The following PPP1R8 variants were observed in gnomAD, a reference collection of about 807,000 sequenced individuals.
The protein encoded by PPP1R8 is nuclear inhibitor of protein phosphatase 1.
PPP1R8 carries 4 observed loss-of-function variants against 31.3 expected under a neutral mutation model. That is an observed-to-expected ratio of 0.13 (90% CI 0.06 to 0.29). PPP1R8 has a LOEUF of 0.29. Among genes scored for constraint, PPP1R8 ranks in the 10% least tolerant of loss-of-function variants. The pLI is 1.00. For missense variants in PPP1R8, 254 were observed against 440.1 expected (o/e 0.58, Z 3.78); for synonymous variants, 170 against 169.7 (o/e 1.00, Z -0.01).
chr1:27,833,039 A>C (rs1333696085), intron 2 of PPP1R8, among the ~76,000 whole-genome samples: 2 of 152,182 alleles, frequency 1.3e-5, no homozygotes, highest in Non-Finnish European at 2.9e-5. Flanking sequence ...GAAGGGTTTT[A>C]ATAGGTCATG....
chr1:27,832,766 C>T lies in PPP1R8; in HGVS notation c.67C>T (p.Pro23Ser), dbSNP rs2089123498. The T allele has an allele frequency of 6.2e-7, 1 of 1,610,312 alleles. No homozygotes were observed. The highest frequency in any genetic ancestry group is 8.5e-7 in the Non-Finnish European group (1 of 1,177,980). Residue 23 changes from proline to serine, a missense_variant, in exon 2 of 7, where the codon CCC becomes TCC. Transcript: ENST00000311772. ...LFDCPTWAGK[P>S]PPGLHLDVVK... Reference sequence around the variant, plus strand: ...ATTTTTATTTTTCAGGGCAGGTAAGCCCCCTCCCGGTTTACATCTGGATGT... The same window carrying T: ...ATTTTTATTTTTCAGGGCAGGTAAGTCCCCTCCCGGTTTACATCTGGATGT...
chr1:27,847,796 C>T (rs951327170), intron 6 of PPP1R8, among the ~76,000 whole-genome samples: 4 of 152,152 alleles, frequency 2.6e-5, no homozygotes, highest in African/African-American at 9.7e-5. Context: ...ACATACCATG[C>T]TCCTCTCCCA....
At chr1:27,835,911 T>C (rs2089160110) in intron 2 of PPP1R8, among the ~76,000 whole-genome samples, 1 of 152,202 alleles carries the variant, frequency 6.6e-6, no homozygotes, top group African/African-American at 2.4e-5. Context: ...GATGAAATGA[T>C]ATAATGTAAA....
intron 3 of PPP1R8, 107 bp from the exon 4 acceptor site, chr1:27,840,907 G>C: frequency 8.8e-7 from 1 of 1,134,956 alleles, no homozygotes; most frequent in Non-Finnish European, 1.3e-6. Context: ...AAACTGATGT[G>C]CTGGGGGGAA....
intron 2 of PPP1R8, among the ~76,000 whole-genome samples, 174 bp downstream of exon 2, chr1:27,832,990 C>A (rs180727890): frequency 1.6e-4 from 24 of 152,106 alleles, no homozygotes; most frequent in Non-Finnish European, 3.5e-4. Context: ...AAGCTTATGT[C>A]TACCACAGAC....
At chr1:27,839,887 G>A (rs913605479) in intron 3 of PPP1R8, among the ~76,000 whole-genome samples, 8 of 151,996 alleles carry the variant, frequency 5.3e-5, no homozygotes, top group East Asian at 1.9e-4. Context: ...AATGAGACCC[G>A]CGTCTCTACA....
chr1:27,841,084 G>A lies in PPP1R8; in HGVS notation c.342G>A (p.Thr114=), dbSNP rs775555260. ...CTCAGCAAATTCCCATCGATTCCAC[G>A]GTCTCATTTGGCGCATCCACAAGGG... The part of the protein sequence containing the change: ...HKPQQIPIDS[T]VSFGASTRAY... The change falls in exon 4 of 7, where the codon ACG becomes ACA. Residue 114 remains threonine, a synonymous_variant. Transcript: ENST00000311772. The A allele has an allele frequency of 3.8e-5, 61 of 1,613,974 alleles. No homozygotes were observed. The highest frequency in any genetic ancestry group is 6.6e-5 in the South Asian group (6 of 91,078).
At chr1:27,842,473 C>T (rs1391040308) in intron 4 of PPP1R8, among the ~76,000 whole-genome samples, 10 of 152,096 alleles carry the variant, frequency 6.6e-5, no homozygotes, top group Admixed American at 6.6e-4. Context: ...TGCTGCTATA[C>T]TTCCATGGCT....
chr1:27,840,982 C>T (rs766165419), intron 3 of PPP1R8, 32 bp from the exon 4 acceptor site: 3 of 1,606,542 alleles, frequency 1.9e-6, no homozygotes, highest in Non-Finnish European at 1.7e-6. Flanking sequence ...TTTTTGTTTT[C>T]CCCCTTACGT....
chr1:27,847,415 G>A (rs775940232), intron 6 of PPP1R8, among the ~76,000 whole-genome samples: 27 of 152,004 alleles, frequency 1.8e-4, no homozygotes, highest in Admixed American at 5.9e-4. Context: ...GCTGAGGCAG[G>A]AGAATCGCTT....
At chr1:27,836,233 T>C (rs1027597585) in intron 2 of PPP1R8, among the ~76,000 whole-genome samples, 6 of 152,190 alleles carry the variant, frequency 3.9e-5, no homozygotes, top group African/African-American at 1.4e-4. Flanking sequence ...ATGAGAGTTA[T>C]TCCTCAAGTG....
intron 2 of PPP1R8, among the ~76,000 whole-genome samples, 190 bp downstream of exon 2, chr1:27,833,006 A>G (rs1220182188): frequency 1.3e-5 from 2 of 151,976 alleles, no homozygotes; most frequent in African/African-American, 2.4e-5. Context: ...CAGACACTCA[A>G]TTTTTTGTGA....
chr1:27,836,669 C>T (rs557460045), intron 2 of PPP1R8, among the ~76,000 whole-genome samples: 5 of 152,238 alleles, frequency 3.3e-5, no homozygotes, highest in South Asian at 4.1e-4. Flanking sequence ...CCGCCTGCCT[C>T]GGCCTCCCAA....
intron 2 of PPP1R8, among the ~76,000 whole-genome samples, chr1:27,836,667 C>T (rs1265996170): frequency 1.3e-5 from 2 of 152,116 alleles, no homozygotes; most frequent in Non-Finnish European, 2.9e-5. Context: ...ATCCGCCTGC[C>T]TCGGCCTCCC....
Position 27,850,744 on chromosome 1 carries a change from T to C in PPP1R8, c.*298T>C, listed in dbSNP as rs1218836017. 3.4e-6 allele frequency: 1 copy of C among 292,420 alleles called. No homozygotes were observed. The highest frequency in any genetic ancestry group is 2.1e-5 in the African/African-American group (1 of 46,932). The allele number at this position is 292,420 out of a possible 1,614,324, so 18.1% of individuals were successfully genotyped here. A position where few individuals can be genotyped will look rare whatever the true frequency, so the allele number is the denominator to read the frequency against. On this transcript the variant is annotated 3_prime_UTR_variant, in exon 7 of 7. Coordinates refer to ENST00000311772, the MANE Select transcript of PPP1R8 (RefSeq NM_014110.5). ...TTCTTTCTCCCACTTTCTAGGATCA[T>C]TTTTATGTAAAGTCACATATCCCAG...
chr1:27,840,898 A>C, intron 3 of PPP1R8, 116 bp from the exon 4 acceptor site: 1 of 1,045,712 alleles, frequency 9.6e-7, no homozygotes, highest in Non-Finnish European at 1.4e-6. Flanking sequence ...AAAAAAGCAA[A>C]ACTGATGTGC....
intron 5 of PPP1R8, among the ~76,000 whole-genome samples, chr1:27,844,703 C>CTTTTTT (rs777070302): frequency 2.7e-4 from 19 of 70,444 alleles, no homozygotes; most frequent in African/African-American, 4.8e-4. Flanking sequence ...AGACAAATTT[C>CTTTTTT]TTTTTTTTTT....
intron 3 of PPP1R8, 30 bp from the exon 4 acceptor site, chr1:27,840,984 C>T: frequency 6.2e-7 from 1 of 1,608,490 alleles, no homozygotes; most frequent in Non-Finnish European, 8.5e-7. Context: ...TTTGTTTTCC[C>T]CCTTACGTTT....
At chr1:27,839,356 C>A (rs892731458) in intron 3 of PPP1R8, among the ~76,000 whole-genome samples, 2 of 151,972 alleles carry the variant, frequency 1.3e-5, no homozygotes, top group Non-Finnish European at 2.9e-5. Context: ...GGTGAAACCT[C>A]GCCTCTACCA....
Sources: allele counts gnomAD v4.1 joint callset (sites outside exome capture counted in the v4.1 genomes callset), GRCh38; gene constraint gnomAD v4.1.1; transcripts MANE v1.5; gene names NCBI Gene and HGNC (gene_info 2026-07-23, HGNC 2026-07-21).